The following SLC6A6 variants were observed in gnomAD, a reference collection of about 807,000 sequenced individuals.
SLC6A6 encodes sodium- and chloride-dependent taurine transporter.
SLC6A6 carries 16 observed loss-of-function variants against 68.8 expected under a neutral mutation model. The ratio of observed to expected loss-of-function variants is 0.23; its 90% CI spans 0.16 to 0.35. The LOEUF is 0.35. Among genes scored for constraint, SLC6A6 ranks in the 10% least tolerant of loss-of-function variants. The pLI, the probability that SLC6A6 is intolerant of heterozygous loss-of-function variation, is 1.00. For missense variants in SLC6A6, 474 were observed against 802.8 expected (o/e 0.59, Z 4.95); for synonymous variants, 312 against 315.4 (o/e 0.99, Z 0.12).
At chr3:14,407,945 G>C (rs944928435) in intron 1 of SLC6A6, among the ~76,000 whole-genome samples, 1 of 139,366 alleles carries the variant, frequency 7.2e-6, no homozygotes, top group African/African-American at 2.7e-5. Context: ...GAGTATATCA[G>C]GAGTTGATTT....
intron 13 of SLC6A6, among the ~76,000 whole-genome samples, chr3:14,479,732 G>A (rs145839356): frequency 2.6e-5 from 4 of 152,222 alleles, no homozygotes; most frequent in Non-Finnish European, 2.9e-5. Flanking sequence ...AGTGTGCCAC[G>A]TTGTTCTTCC....
intron 2 of SLC6A6, among the ~76,000 whole-genome samples, chr3:14,436,659 C>T (rs562065575): frequency 6.7e-6 from 1 of 148,464 alleles, no homozygotes; most frequent in Non-Finnish European, 1.5e-5. Context: ...CCATCCTGCT[C>T]ACTGAGCCTG....
chr3:14,450,069 C>T lies in SLC6A6; in HGVS notation c.599+2253C>T, dbSNP rs569477651. 2.0e-4 allele frequency among the ~76,000 whole-genome samples: 31 copies of T among 152,218 alleles called. No homozygotes were observed. Among genetic ancestry groups the T allele is most frequent in the Middle Eastern group, 3.4e-3 (1 of 294 alleles). On this transcript the variant is annotated intron_variant, in intron 5 of 14. Coordinates refer to ENST00000622186, the MANE Select transcript of SLC6A6 (RefSeq NM_003043.6). This position sits in a 1 kb window ranked among gnomAD's most constrained non-coding sequence, Gnocchi z 4.1. ...CTGGCCAGAATCCATTATTATTTAT[C>T]GAGTGCCCTCATAGTGCATAAAACT...
At chr3:14,437,913 C>T (rs930581735) in intron 2 of SLC6A6, among the ~76,000 whole-genome samples, 9 of 151,566 alleles carry the variant, frequency 5.9e-5, no homozygotes, top group East Asian at 1.9e-4. Flanking sequence ...CTGCAGTGTC[C>T]GCCTCCCGGA....
intron 5 of SLC6A6, among the ~76,000 whole-genome samples, chr3:14,449,227 G>A (rs529656273): frequency 5.3e-5 from 8 of 152,320 alleles, no homozygotes; most frequent in African/African-American, 7.2e-5. Context: ...TGTCACTGTC[G>A]CTGCTCCAGG....
At chr3:14,411,478 A>AT (rs2124898553) in intron 1 of SLC6A6, among the ~76,000 whole-genome samples, 1 of 152,310 alleles carries the variant, frequency 6.6e-6, no homozygotes, top group African/African-American at 2.4e-5. Context: ...CTCAAAAAAG[A>AT]TGACGTGAGT....
chr3:14,419,798 C>T (rs61255669), intron 2 of SLC6A6, among the ~76,000 whole-genome samples: 2 of 152,040 alleles, frequency 1.3e-5, no homozygotes, highest in South Asian at 4.2e-4. Flanking sequence ...GTGAGCCCCC[C>T]CTAGAGCAAC....
intron 10 of SLC6A6, among the ~76,000 whole-genome samples, chr3:14,476,687 T>G (rs1253449747): frequency 6.6e-6 from 1 of 152,228 alleles, no homozygotes; most frequent in Non-Finnish European, 1.5e-5. Flanking sequence ...GTCCACCCAT[T>G]CATCACATTT....
chr3:14,453,605 C>T (rs149656563), intron 5 of SLC6A6, among the ~76,000 whole-genome samples: 7 of 152,334 alleles, frequency 4.6e-5, no homozygotes, highest in Non-Finnish European at 8.8e-5. Flanking sequence ...GTTCAGTGAT[C>T]AAGACAGACA....
intron 2 of SLC6A6, among the ~76,000 whole-genome samples, chr3:14,440,601 G>T (rs1310037086): frequency 6.6e-6 from 1 of 152,172 alleles, no homozygotes; most frequent in Non-Finnish European, 1.5e-5. Context: ...TTCAGCTGCT[G>T]CATTGAGAAT....
chr3:14,476,393 C>T (rs1700879526), intron 10 of SLC6A6, among the ~76,000 whole-genome samples: 1 of 152,120 alleles, frequency 6.6e-6, no homozygotes, highest in South Asian at 2.1e-4. Flanking sequence ...TGGTTAGGCA[C>T]GAGATGGAAA....
chr3:14,485,162 G>A lies in SLC6A6; in HGVS notation c.*155G>A. 1.9e-6 allele frequency: 1 copy of A among 520,546 alleles called. No individual in the cohort carries two copies. Among genetic ancestry groups the A allele is most frequent in the Admixed American group, 3.4e-5 (1 of 29,570 alleles). The allele number at this position is 520,546 out of a possible 1,614,324, so 32.2% of individuals were successfully genotyped here. ...TAATTGTGGGTATGTGTGCGTGCGTGTGTGTGTGTGTGTGTATCGTGTGTG... is the reference window on the plus strand; with the variant it reads ...TAATTGTGGGTATGTGTGCGTGCGTATGTGTGTGTGTGTGTATCGTGTGTG... On this transcript the variant is annotated 3_prime_UTR_variant, in exon 15 of 15. Coordinates refer to ENST00000622186, the MANE Select transcript of SLC6A6 (RefSeq NM_003043.6).
intron 1 of SLC6A6, among the ~76,000 whole-genome samples, chr3:14,409,644 G>T (rs1368029234): frequency 6.6e-6 from 1 of 152,166 alleles, no homozygotes; most frequent in East Asian, 1.9e-4. Context: ...CTGTGCTCAA[G>T]GAGGGAGGGG....
At chr3:14,459,410 C>G (rs1700444102) in intron 6 of SLC6A6, among the ~76,000 whole-genome samples, 1 of 152,124 alleles carries the variant, frequency 6.6e-6, no homozygotes, top group South Asian at 2.1e-4. Flanking sequence ...CCTGCAAGAC[C>G]TGGGACTCCA....
At position 14,488,996 on chromosome 3, in the gene SLC6A6, C is replaced by G. The variant is rs916563686; in HGVS notation, c.*3989C>G. The G allele has an allele frequency of 6.6e-6, 1 of 152,264 alleles. No individual in the cohort carries two copies. Among genetic ancestry groups the G allele is most frequent in the Non-Finnish European group, 1.5e-5 (1 of 67,998 alleles). The allele number at this position is 152,264 out of a possible 1,614,324, so 9.4% of individuals were successfully genotyped here. A position where few individuals can be genotyped will look rare whatever the true frequency, so the allele number is the denominator to read the frequency against. ...ACAAGAGAAAGCTGAGAATGTGGGT[C>G]TTGCCTCCTTCCAGAAATATGTCTG... On this transcript the variant is annotated 3_prime_UTR_variant, in exon 15 of 15. Transcript: ENST00000622186.
intron 5 of SLC6A6, among the ~76,000 whole-genome samples, chr3:14,448,479 T>A (rs1700182344): frequency 6.6e-6 from 1 of 152,192 alleles, no homozygotes; most frequent in South Asian, 2.1e-4. Flanking sequence ...AACTGGTCCC[T>A]GTGGTTTCAT....
intron 1 of SLC6A6, among the ~76,000 whole-genome samples, chr3:14,408,159 G>A (rs1699152771): frequency 6.6e-6 from 1 of 152,118 alleles, no homozygotes; most frequent in South Asian, 2.1e-4. Flanking sequence ...TAAGGTAGTA[G>A]ATATGTGTTA....
chr3:14,408,635 G>T (rs897685977), intron 1 of SLC6A6, among the ~76,000 whole-genome samples: 7 of 152,088 alleles, frequency 4.6e-5, no homozygotes, highest in African/African-American at 1.7e-4. Context: ...TTAATATAAG[G>T]TTATACATTT....
chr3:14,471,002 G>A (rs183931113), intron 9 of SLC6A6, among the ~76,000 whole-genome samples: 2 of 152,266 alleles, frequency 1.3e-5, no homozygotes, highest in East Asian at 3.9e-4. Flanking sequence ...CGTATAATGT[G>A]GTTTCTGGTT....
Sources: gnomAD v4.1 joint callset for allele counts (sites outside exome capture counted in the v4.1 genomes callset) on GRCh38, gnomAD v4.1.1 for gene constraint, Gnocchi (gnomAD v3.1) non-coding constraint, MANE v1.5 for transcripts, NCBI Gene and HGNC (gene_info 2026-07-23, HGNC 2026-07-21) for gene names.